NAMPT: variants seen among roughly 807,000 people sequenced by gnomAD.
The protein encoded by NAMPT is NAmPRTase.
A neutral mutation model predicts 58.7 loss-of-function variants in NAMPT; 7 were observed. That is an observed-to-expected ratio of 0.12 (90% confidence interval 0.07 to 0.22). The LOEUF (loss-of-function observed/expected upper bound fraction) is 0.22. Among genes scored for constraint, NAMPT ranks in the 10% least tolerant of loss-of-function variants. The pLI is 1.00. For synonymous variants in NAMPT, 145 were observed against 198.1 expected (o/e 0.73, Z 2.25); for missense variants, 271 against 567.9 (o/e 0.48, Z 5.31).
intron 3 of NAMPT, among the ~76,000 whole-genome samples, chr7:106,273,736 G>A (rs567863518): frequency 6.6e-6 from 1 of 152,070 alleles, no homozygotes. Context: ...CCTCACAGAA[G>A]AGAAATGGAG....
chr7:106,280,475 G>C (rs1198897572), intron 1 of NAMPT, among the ~76,000 whole-genome samples: 1 of 152,158 alleles, frequency 6.6e-6, no homozygotes, highest in Non-Finnish European at 1.5e-5. Context: ...GCACTGACTT[G>C]ACTTCTATTA....
Position 106,269,298 on chromosome 7 carries a change from C to T in NAMPT, c.462G>A (p.Gln154=). Residue 154 remains glutamine, a synonymous_variant, in exon 5 of 11, where the codon CAG becomes CAA. Transcript: ENST00000222553. ...TGGCCACTGTGATTGGATACCAGGA[C>T]TGAACAAGAATAGTCTGTAGTAACA... ...LTNWIETILV[Q]SWYPITVATN... is the part of the protein sequence containing the mutation. The T allele has an allele frequency of 6.2e-7, 1 of 1,612,912 alleles. No individual in the cohort carries two copies. The highest frequency in any genetic ancestry group is 8.5e-7 in the Non-Finnish European group (1 of 1,179,146).
chr7:106,268,356 G>T, intron 6 of NAMPT, 108 bp downstream of exon 6: 1 of 941,462 alleles, frequency 1.1e-6, no homozygotes, highest in Non-Finnish European at 1.6e-6. Flanking sequence ...TCAAGTTCAT[G>T]AAGATGTACT....
chr7:106,261,241 T>C (rs1383483046), intron 8 of NAMPT, among the ~76,000 whole-genome samples: 1 of 152,194 alleles, frequency 6.6e-6, no homozygotes, highest in Non-Finnish European at 1.5e-5. Flanking sequence ...TACAGATTTG[T>C]GAAGCTCCAG....
intron 8 of NAMPT, among the ~76,000 whole-genome samples, chr7:106,256,552 G>A (rs576115844): frequency 3.3e-5 from 5 of 152,108 alleles, no homozygotes; most frequent in Non-Finnish European, 7.4e-5. Context: ...AAGTACAGAT[G>A]GTCACAAACA....
intron 6 of NAMPT, among the ~76,000 whole-genome samples, chr7:106,265,186 G>T (rs1018536771): frequency 2.0e-5 from 3 of 152,054 alleles, no homozygotes; most frequent in African/African-American, 7.2e-5. Context: ...AAAAAGGAGA[G>T]AATTAAGATC....
chr7:106,283,271 C>A (rs990602518), intron 1 of NAMPT, among the ~76,000 whole-genome samples: 2 of 151,836 alleles, frequency 1.3e-5, no homozygotes, highest in Non-Finnish European at 2.9e-5. Context: ...AGATTAGAAA[C>A]CTTTAAGATA....
At chr7:106,279,548 C>T (rs940824325) in intron 1 of NAMPT, among the ~76,000 whole-genome samples, 1 of 152,208 alleles carries the variant, frequency 6.6e-6, no homozygotes, top group Non-Finnish European at 1.5e-5. Context: ...AGCTTACTGT[C>T]CTCTTCATTT....
rs1448599475 is a variant in NAMPT, at chr7:106,252,876, C to T, written c.1365+141G>A. ...TTGTTTTGTATCTTATTTTGGTAGG[C>T]CAGGTCAGCAATTGGACATTTTATA... On this transcript the variant is annotated intron_variant, in intron 10 of 10. Coordinates refer to ENST00000222553, the MANE Select transcript of NAMPT (RefSeq NM_005746.3). 1.3e-5 allele frequency: 13 copies of T among 1,020,582 alleles called. No individual in the cohort carries two copies. In the East Asian group the frequency reaches 3.0e-4, roughly 23 times the overall value. The allele number at this position is 1,020,582 out of a possible 1,614,324, so 63.2% of individuals were successfully genotyped here. A position where few individuals can be genotyped will look rare whatever the true frequency, so the allele number is the denominator to read the frequency against.
chr7:106,267,580 G>A (rs1586019465), intron 6 of NAMPT, among the ~76,000 whole-genome samples: 1 of 151,822 alleles, frequency 6.6e-6, no homozygotes, highest in African/African-American at 2.4e-5. Context: ...GGTGGCTCAC[G>A]CCTGTAATCC....
rs118179925 is a variant in NAMPT at position 106,267,979 on chromosome 7, G to C, written c.743+485C>G. Among the ~76,000 whole-genome samples the C allele has an allele frequency of 9.1e-3, 1,340 of 147,418 alleles. 12 individuals are homozygous for C. The highest frequency in any genetic ancestry group is 0.018 in the Admixed American group (260 of 14,462). On this transcript the variant is annotated intron_variant, in intron 6 of 10. Transcript: ENST00000222553. ...AACTGGAGATAGTTTACTGAAAGCA[G>C]ACAAGGAAGCGTAAAAAGAATCTGA... is the stretch of plus-strand genomic sequence containing the variant.
At chr7:106,285,610 G>A, upstream of NAMPT, 3 of 985,746 alleles carry the variant, frequency 3.0e-6, no homozygotes, top group Non-Finnish European at 3.6e-6. Context: ...TGATCCTCCT[G>A]ACCCTGTCTT....
chr7:106,253,250 A>C (rs1373192009), intron 9 of NAMPT, 99 bp from the exon 10 acceptor site: 5 of 1,319,560 alleles, frequency 3.8e-6, no homozygotes, highest in Non-Finnish European at 5.2e-6. Context: ...TTTACATTTA[A>C]GTTTTAAGCA....
At chr7:106,270,205 T>A (rs1792506402) in intron 4 of NAMPT, 3 of 328,986 alleles carry the variant, frequency 9.1e-6, no homozygotes, top group Non-Finnish European at 2.0e-5. Flanking sequence ...ATAATTATCA[T>A]GGCTTAGAAA....
intron 6 of NAMPT, among the ~76,000 whole-genome samples, chr7:106,265,416 T>C (rs1475500421): frequency 6.6e-6 from 1 of 152,084 alleles, no homozygotes; most frequent in East Asian, 1.9e-4. Flanking sequence ...TGTTTCACCT[T>C]TTTTCCCCTA....
At chr7:106,283,042 T>A (rs1792796268) in intron 1 of NAMPT, among the ~76,000 whole-genome samples, 3 of 152,190 alleles carry the variant, frequency 2.0e-5, no homozygotes, top group Admixed American at 2.0e-4. Flanking sequence ...CACAATCTAT[T>A]TTAGCATACT....
intron 6 of NAMPT, among the ~76,000 whole-genome samples, chr7:106,266,148 T>C (rs1002505239): frequency 1.3e-5 from 2 of 152,234 alleles, no homozygotes; most frequent in Non-Finnish European, 2.9e-5. Flanking sequence ...AGTCCAATCC[T>C]CTTTTTGCTA....
intron 8 of NAMPT, among the ~76,000 whole-genome samples, chr7:106,259,878 C>CTTTTTTT (rs78910620): frequency 7.5e-6 from 1 of 132,832 alleles, no homozygotes. Context: ...TCGAAACAAT[C>CTTTTTTT]TTTTTTTTTT....
Position 106,284,912 on chromosome 7 carries a change from C to T in NAMPT, c.-28G>A, listed in dbSNP as rs1281479421. Reference sequence around the variant, plus strand: ...CGGGCCGGAGGACAGGGGCCGCGCGCCGCGAGCTCCCTGGCGCGGCTGCGA... The same window carrying T: ...CGGGCCGGAGGACAGGGGCCGCGCGTCGCGAGCTCCCTGGCGCGGCTGCGA... On this transcript the variant is annotated 5_prime_UTR_variant, in exon 1 of 11. Coordinates refer to ENST00000222553, the MANE Select transcript of NAMPT (RefSeq NM_005746.3). 1 of 1,572,396 alleles carries T rather than the reference C, an allele frequency of 6.4e-7. No individual in the cohort carries two copies. Among genetic ancestry groups the T allele is most frequent in the East Asian group, 2.3e-5 (1 of 42,770 alleles).
Sources: gnomAD v4.1 joint callset for allele counts (sites outside exome capture counted in the v4.1 genomes callset) on GRCh38, gnomAD v4.1.1 for gene constraint, MANE v1.5 for transcripts, NCBI Gene and HGNC (gene_info 2026-07-23, HGNC 2026-07-21) for gene names.